Variants in IFIT1 observed in about 807,000 individuals in gnomAD.
IFIT1 encodes the protein interferon induced protein with tetratricopeptide repeats 1, also known as antiviral innate immune response effector IFIT1.
A neutral mutation model predicts 2.5 loss-of-function variants in IFIT1; 1 was observed. The ratio of observed to expected loss-of-function variants is 0.40; its 90% CI spans 0.14 to 1.92. IFIT1 has a LOEUF of 1.92. Ranked by LOEUF, IFIT1 falls within the 40% of genes most tolerant of loss-of-function variation. The probability of loss-of-function intolerance (pLI) is 0.31; values close to 1 mark genes in which losing one functional copy is unlikely to be tolerated. For synonymous variants in IFIT1, 191 were observed against 201.7 expected, an observed-to-expected ratio of 0.95 and a Z score of 0.45; for missense variants, 508 against 557.8, an observed-to-expected ratio of 0.91 and a Z score of 0.90.
chr10:89,402,809 C>T lies in IFIT1; in HGVS notation c.534C>T (p.Ser178=), dbSNP rs554970189. The T allele has an allele frequency of 3.3e-5, 53 of 1,614,048 alleles. No individual in the cohort carries two copies. The highest frequency in any genetic ancestry group is 8.8e-5 in the South Asian group (8 of 91,078). ...LEVDPENPES[S]AGYAISAYRL... ...TGGACCCTGAAAACCCTGAATCCAG[C>T]GCTGGGTATGCGATCTCTGCCTATC... The change falls in exon 2 of 2, where the codon AGC becomes AGT. Residue 178 remains serine, a synonymous_variant. Coordinates refer to ENST00000371804, the MANE Select transcript of IFIT1 (RefSeq NM_001548.5).
intron 1 of IFIT1, among the ~76,000 whole-genome samples, chr10:89,393,720 A>T (rs11203105): frequency 0.25 from 38,102 of 152,068 alleles, 4,974 homozygotes; most frequent in Middle Eastern, 0.28. Flanking sequence ...ACAGAGCGAG[A>T]CTCCGTCTCA....
chr10:89,403,617 A>T lies in IFIT1; in HGVS notation c.1342A>T (p.Lys448Ter). 1.9e-6 allele frequency: 3 copies of T among 1,614,144 alleles called. No homozygotes were observed. The highest frequency in any genetic ancestry group is 2.5e-6 in the Non-Finnish European group (3 of 1,180,016). ...ESLSLLGFVYKLEGNMNEALE... is the reference protein window; with the variant it reads ...ESLSLLGFVY ...CTTGAGCCTCCTTGGGTTCGTCTACAAATTGGAAGGAAATATGAATGAAGC... is the reference window on the plus strand; with the variant it reads ...CTTGAGCCTCCTTGGGTTCGTCTACTAATTGGAAGGAAATATGAATGAAGC... The change falls in exon 2 of 2, where the codon AAA (lysine) becomes TAA (stop). Residue 448 changes from lysine to a stop codon, truncating the protein, a stop_gained. Coordinates refer to ENST00000371804, the MANE Select transcript of IFIT1 (RefSeq NM_001548.5). LOFTEE classifies it low-confidence loss of function (END_TRUNC).
chr10:89,395,564 C>G (rs946945897), intron 1 of IFIT1, among the ~76,000 whole-genome samples: 1 of 152,138 alleles, frequency 6.6e-6, no homozygotes, highest in African/African-American at 2.4e-5. Context: ...GAGAGAGTGG[C>G]TGTCTCAGTA....
intron 1 of IFIT1, among the ~76,000 whole-genome samples, chr10:89,394,627 TAA>T (rs200724657): frequency 0.17 from 5,881 of 34,848 alleles, 937 homozygotes; most frequent in African/African-American, 0.5. Flanking sequence ...TATATATATA[TAA>T]AACTTGAATT....
At chr10:89,395,080 A>G (rs1476122611) in intron 1 of IFIT1, among the ~76,000 whole-genome samples, 1 of 152,010 alleles carries the variant, frequency 6.6e-6, no homozygotes, top group African/African-American at 2.4e-5. Flanking sequence ...CCAGTTCCTC[A>G]ATGTGATTGA....
At chr10:89,396,011 T>G (rs1259066294) in intron 1 of IFIT1, among the ~76,000 whole-genome samples, 1 of 152,228 alleles carries the variant, frequency 6.6e-6, no homozygotes, top group Non-Finnish European at 1.5e-5. Flanking sequence ...TTCCATTTTT[T>G]GGCCATTATG....
At position 89,405,052 on chromosome 10, in the gene IFIT1, A is replaced by G. The variant is rs1844508200; in HGVS notation, c.*1340A>G. On this transcript the variant is annotated 3_prime_UTR_variant, in exon 2 of 2. Coordinates refer to ENST00000371804, the MANE Select transcript of IFIT1 (RefSeq NM_001548.5). ...GCTTTCAGTGCAAGAAACCAAAAAT[A>G]CTGTAATAAACAGGCACATATTCTT... 6.6e-6 allele frequency: 1 copy of G among 152,220 alleles called. No homozygotes were observed. The highest frequency in any genetic ancestry group is 2.4e-5 in the African/African-American group (1 of 41,452). 9.4% of individuals were successfully genotyped at this position (152,220 alleles called of 1,614,324 possible).
intron 1 of IFIT1, among the ~76,000 whole-genome samples, chr10:89,398,199 G>A (rs980989623): frequency 2.8e-4 from 42 of 152,210 alleles, no homozygotes; most frequent in Non-Finnish European, 6.0e-4. Flanking sequence ...GAAGGCAGCT[G>A]TTCTATAACT....
At chr10:89,392,918 T>C (rs548784611) in intron 1 of IFIT1, among the ~76,000 whole-genome samples, 1 of 152,340 alleles carries the variant, frequency 6.6e-6, no homozygotes, top group East Asian at 1.9e-4. Flanking sequence ...TTTTTATGTT[T>C]GTTAGCATGA....
At chr10:89,394,621 TATATATAA>T (rs1401688870) in intron 1 of IFIT1, among the ~76,000 whole-genome samples, 262 of 25,262 alleles carry the variant, frequency 0.01, 20 homozygotes, top group African/African-American at 0.066. Flanking sequence ...TATATATATA[TATATATAA>T]AACTTGAATT....
chr10:89,394,608 AT>A (rs1844312230), intron 1 of IFIT1, among the ~76,000 whole-genome samples: 1 of 20,864 alleles, frequency 4.8e-5, no homozygotes, highest in Admixed American at 4.1e-4. Context: ...ATATATATAT[AT>A]ATATATATAT....
chr10:89,402,479 T>G lies in IFIT1; in HGVS notation c.204T>G (p.Asn68Lys). ...LAYVKHLKGQ[N>K]EEALKSLKEA... ...ATGTGAAACACCTGAAAGGCCAGAA[T>G]GAGGAAGCCCTGAAGAGCTTAAAAG... The change falls in exon 2 of 2, where the codon AAT becomes AAG. Residue 68 changes from asparagine to lysine, a missense_variant. By Grantham distance (94) the Asn-to-Lys change is moderately conservative. Coordinates refer to ENST00000371804, the MANE Select transcript of IFIT1 (RefSeq NM_001548.5). 1 of 1,614,140 alleles carries G rather than the reference T, an allele frequency of 6.2e-7. No individual in the cohort carries two copies. The highest frequency in any genetic ancestry group is 2.2e-5 in the East Asian group (1 of 44,878).
At chr10:89,393,389 A>G (rs2133613432) in intron 1 of IFIT1, 1 of 982,134 alleles carries the variant, frequency 1.0e-6, no homozygotes, top group Non-Finnish European at 1.3e-6. Flanking sequence ...GAAGATCCGT[A>G]TCTTCCTTAC....
At chr10:89,392,751 T>G in intron 1 of IFIT1, 34 bp downstream of exon 1, 1 of 1,610,888 alleles carries the variant, frequency 6.2e-7, no homozygotes, top group Non-Finnish European at 8.5e-7. Flanking sequence ...CCATAATGTC[T>G]AAAGTTTTTG....
Position 89,403,700 on chromosome 10 carries a change from A to T in IFIT1, c.1425A>T (p.Arg475Ser), listed in dbSNP as rs759911243. ...RLAADFENSV[R>S]QGP ...CTGCTGACTTTGAGAACTCTGTGAG[A>T]CAAGGTCCTTAGGCACCCAGATATC... The change falls in exon 2 of 2, where the codon AGA (arginine) becomes AGT (serine). Residue 475 changes from arginine to serine, a missense_variant. Arg to Ser is a moderately radical substitution (Grantham distance 110). Coordinates refer to ENST00000371804, the MANE Select transcript of IFIT1 (RefSeq NM_001548.5). 2.2e-5 allele frequency: 35 copies of T among 1,581,822 alleles called. No individual in the cohort carries two copies. The highest frequency in any genetic ancestry group is 2.9e-5 in the Non-Finnish European group (34 of 1,164,846).
Position 89,403,118 on chromosome 10 carries a change from A to G in IFIT1, c.843A>G (p.Thr281=), listed in dbSNP as rs1297384381. 1 of 1,614,142 alleles carries G rather than the reference A, an allele frequency of 6.2e-7. No homozygotes were observed. Among genetic ancestry groups the G allele is most frequent in the Admixed American group, 1.7e-5 (1 of 60,002 alleles). ...TATTAAAAAAGGCCTTGCAGGAAAC[A>G]CCCACTTCTGTCTTACTGCATCACC... ...LELLKKALQE[T]PTSVLLHHQI... is the part of the protein sequence containing the mutation. Residue 281 remains threonine, a synonymous_variant, in exon 2 of 2, where the codon ACA becomes ACG. Coordinates refer to ENST00000371804, the MANE Select transcript of IFIT1 (RefSeq NM_001548.5).
Position 89,403,283 on chromosome 10 carries a change from G to A in IFIT1, c.1008G>A (p.Lys336=), listed in dbSNP as rs78886410. The A allele has an allele frequency of 6.2e-7, 1 of 1,614,144 alleles. No homozygotes were observed. The highest frequency in any genetic ancestry group is 1.3e-5 in the African/African-American group (1 of 75,050). Residue 336 remains lysine, a synonymous_variant, in exon 2 of 2, where the codon AAG becomes AAA. Transcript: ENST00000371804. The part of the protein sequence containing the change: ...IFHFESAVEK[K]PTFEVAHLDL... ...ATTTTGAATCTGCAGTGGAAAAAAA[G>A]CCCACATTTGAGGTGGCTCATCTAG...
In IFIT1 at chr10:89,403,497, A is replaced by T. The variant is rs766802096; in HGVS notation, c.1222A>T (p.Ile408Leu). 2.5e-6 allele frequency: 4 copies of T among 1,612,224 alleles called. No individual in the cohort carries two copies. In the East Asian group the frequency reaches 8.9e-5, roughly 36 times the overall value. Residue 408 changes from isoleucine to leucine, a missense_variant, in exon 2 of 2, where the codon ATA becomes TTA. Coordinates refer to ENST00000371804, the MANE Select transcript of IFIT1 (RefSeq NM_001548.5). The part of the protein sequence containing the change: ...AIIHYLKAIK[I>L]EQASLTRDKS... ...TATCCATTATTTAAAAGCTATAAAA[A>T]TAGAACAGGCATCATTAACAAGGGA...
At chr10:89,393,076 C>T in intron 1 of IFIT1, 1 of 1,185,494 alleles carries the variant, frequency 8.4e-7, no homozygotes, top group Non-Finnish European at 1.1e-6. Flanking sequence ...GAATGGACAG[C>T]TTGTCTGAGT....
Sources: gnomAD v4.1 joint callset for allele counts (sites outside exome capture counted in the v4.1 genomes callset) on GRCh38, gnomAD v4.1.1 for gene constraint, MANE v1.5 for transcripts, NCBI Gene and HGNC (gene_info 2026-07-23, HGNC 2026-07-21) for gene names.